PCSK6: variants seen among roughly 807,000 people sequenced by gnomAD.
The protein encoded by PCSK6 is proprotein convertase subtilisin/kexin type 6.
Under a neutral mutation model 123.3 loss-of-function variants are expected in PCSK6, and 85 were observed. The observed-to-expected ratio is 0.69, with a 90% CI of 0.58 to 0.83. The LOEUF (loss-of-function observed/expected upper bound fraction) is 0.83. Ranked by LOEUF, PCSK6 falls within the 40% of genes least tolerant of loss-of-function variation. The pLI is 0.00. For synonymous variants in PCSK6, 508 were observed against 516.0 expected (o/e 0.98, Z 0.21); for missense variants, 1,191 against 1,282.3 (o/e 0.93, Z 1.09).
At position 101,411,134 on chromosome 15, in the gene PCSK6, G is replaced by A. The variant is rs768271658; in HGVS notation, c.824-12558C>T. Among the ~76,000 whole-genome samples, 5 of 152,312 alleles carry A rather than the reference G, an allele frequency of 3.3e-5. No homozygotes were observed. In the East Asian group the frequency reaches 5.8e-4, roughly 18 times the overall value. On this transcript the variant is annotated intron_variant, in intron 6 of 21. Transcript: ENST00000611716. ...CTGTCTTGAGGCACTGAGGAAAGAC[G>A]GGAAGCAGAGGGCATCAGGTAGCAG...
Position 101,304,950 on chromosome 15 carries a change from GTAAACT to G in PCSK6, c.*302_*307del, listed in dbSNP as rs1330073181. The G allele has an allele frequency of 3.1e-6, 1 of 322,914 alleles. No individual in the cohort carries two copies. The highest frequency in any genetic ancestry group is 5.8e-6 in the Non-Finnish European group (1 of 173,768). 20.0% of individuals were successfully genotyped at this position (322,914 alleles called of 1,614,324 possible). ...TTTCTGCTTTGGTCTTGAAGATTCA[GTAAACT>G]TATGGTCCCAGAAGCTGCTCCAAAG... is the stretch of plus-strand genomic sequence containing the variant. On this transcript the variant is annotated 3_prime_UTR_variant, in exon 22 of 22. Coordinates refer to ENST00000611716, the MANE Select transcript of PCSK6 (RefSeq NM_002570.5).
At chr15:101,341,683 G>A (rs969488346) in intron 13 of PCSK6, among the ~76,000 whole-genome samples, 1 of 152,194 alleles carries the variant, frequency 6.6e-6, no homozygotes, top group Non-Finnish European at 1.5e-5. Context: ...ACAAAGCTGA[G>A]CAAAGTCCTT....
In PCSK6 at chr15:101,398,969, C is replaced by T. The variant is rs538019202; in HGVS notation, c.824-393G>A. Among the ~76,000 whole-genome samples the T allele has an allele frequency of 6.6e-6, 1 of 152,240 alleles. No individual in the cohort carries two copies. The highest frequency in any genetic ancestry group is 1.5e-5 in the Non-Finnish European group (1 of 68,024). ...CCAGGCTGGAGGGCAGTGGTGCAAT[C>T]TCGGCTCACTGCAAGCTCCACCTCC... is the stretch of plus-strand genomic sequence containing the variant. On this transcript the variant is annotated intron_variant, in intron 6 of 21. Coordinates refer to ENST00000611716, the MANE Select transcript of PCSK6 (RefSeq NM_002570.5). The surrounding 1 kb of genome is among the most constrained non-coding windows in gnomAD (Gnocchi z 4.6).
intron 1 of PCSK6, among the ~76,000 whole-genome samples, chr15:101,447,850 C>T (rs957183054): frequency 2.7e-5 from 4 of 149,756 alleles, no homozygotes; most frequent in Non-Finnish European, 4.4e-5. Flanking sequence ...GCCTGAGCAG[C>T]CCGCCTTTAG....
intron 6 of PCSK6, among the ~76,000 whole-genome samples, chr15:101,425,275 G>A (rs1193203923): frequency 1.3e-5 from 2 of 152,178 alleles, no homozygotes; most frequent in African/African-American, 4.8e-5. Context: ...TCCAGTGATA[G>A]CCACTGGCTC....
intron 1 of PCSK6, among the ~76,000 whole-genome samples, chr15:101,446,101 G>A (rs946269640): frequency 1.3e-5 from 2 of 152,258 alleles, no homozygotes; most frequent in Admixed American, 6.5e-5. Context: ...AGGCAGCAGC[G>A]GCCAGAACTC....
chr15:101,349,824 C>T (rs541514720), intron 13 of PCSK6, among the ~76,000 whole-genome samples: 7 of 152,272 alleles, frequency 4.6e-5, no homozygotes, highest in South Asian at 2.1e-4. Context: ...CATACAGATT[C>T]GTTTCACACA....
intron 13 of PCSK6, among the ~76,000 whole-genome samples, chr15:101,356,893 T>C (rs1435520385): frequency 6.6e-6 from 1 of 152,172 alleles, no homozygotes; most frequent in Admixed American, 6.6e-5. Flanking sequence ...GGATGACTGA[T>C]GTGCTACTCA....
chr15:101,410,665 C>T (rs1348691236), intron 6 of PCSK6, among the ~76,000 whole-genome samples: 1 of 152,176 alleles, frequency 6.6e-6, no homozygotes, highest in African/African-American at 2.4e-5. Context: ...CTGTTTCTGG[C>T]CACTGGGCTT....
chr15:101,412,780 T>G (rs1226853319), intron 6 of PCSK6, among the ~76,000 whole-genome samples: 1 of 150,906 alleles, frequency 6.6e-6, no homozygotes, highest in East Asian at 1.9e-4. Flanking sequence ...TAGGGACTTG[T>G]GAGACTATAA....
intron 16 of PCSK6, among the ~76,000 whole-genome samples, chr15:101,325,461 G>A (rs1034044175): frequency 3.3e-5 from 5 of 152,158 alleles, no homozygotes; most frequent in Admixed American, 6.5e-5. Context: ...CTGGGAGCTC[G>A]AGGACGCCAC....
At chr15:101,428,413 A>C (rs759006035) in intron 5 of PCSK6, among the ~76,000 whole-genome samples, 18 of 152,138 alleles carry the variant, frequency 1.2e-4, no homozygotes, top group South Asian at 2.1e-4. Flanking sequence ...AGGATGAAAG[A>C]AGGAACAGTC....
intron 2 of PCSK6, among the ~76,000 whole-genome samples, chr15:101,442,359 A>G (rs1346199612): frequency 6.6e-6 from 1 of 152,116 alleles, no homozygotes; most frequent in East Asian, 1.9e-4. Flanking sequence ...TATAAAACCA[A>G]TCCAGAAATA....
intron 1 of PCSK6, among the ~76,000 whole-genome samples, chr15:101,457,765 C>A (rs770657532): frequency 3.3e-5 from 5 of 152,172 alleles, no homozygotes; most frequent in Non-Finnish European, 5.9e-5. Context: ...CCCTGGCCAC[C>A]CCTCTGGGTG....
chr15:101,411,258 A>G (rs2055673056), intron 6 of PCSK6, among the ~76,000 whole-genome samples: 1 of 152,086 alleles, frequency 6.6e-6, no homozygotes, highest in Non-Finnish European at 1.5e-5. Flanking sequence ...AGGAGCCCCA[A>G]ACAGGCCTCG....
At chr15:101,397,036 C>T (rs777701911) in intron 7 of PCSK6, among the ~76,000 whole-genome samples, 3 of 152,002 alleles carry the variant, frequency 2.0e-5, no homozygotes, top group Non-Finnish European at 4.4e-5. Flanking sequence ...CCAAGTCCTT[C>T]GGAGGAGGTG....
At chr15:101,485,937 G>A (rs535601623) in intron 1 of PCSK6, among the ~76,000 whole-genome samples, 51 of 151,058 alleles carry the variant, frequency 3.4e-4, no homozygotes, top group African/African-American at 1.2e-3. Context: ...TGAACACAAC[G>A]CATCTCTCCA....
intron 1 of PCSK6, among the ~76,000 whole-genome samples, chr15:101,451,690 C>A (rs1036919342): frequency 1.3e-5 from 2 of 152,256 alleles, no homozygotes; most frequent in African/African-American, 4.8e-5. Context: ...CCGGCATCTG[C>A]CGAGGGCCTT....
At chr15:101,461,952 C>T (rs1446898729) in intron 1 of PCSK6, among the ~76,000 whole-genome samples, 2 of 152,114 alleles carry the variant, frequency 1.3e-5, no homozygotes, top group African/African-American at 4.8e-5. Flanking sequence ...CATCATTATA[C>T]TGAAAGTTCT....
Sources: gnomAD v4.1 joint callset for allele counts (sites outside exome capture counted in the v4.1 genomes callset) on GRCh38, gnomAD v4.1.1 for gene constraint, Gnocchi (gnomAD v3.1) non-coding constraint, MANE v1.5 for transcripts, NCBI Gene and HGNC (gene_info 2026-07-23, HGNC 2026-07-21) for gene names.